Variants in ZCCHC14 observed in about 807,000 individuals in gnomAD.
ZCCHC14 encodes the protein zinc finger CCHC-type containing 14, also known as zinc finger CCHC domain-containing protein 14.
ZCCHC14 carries 16 observed loss-of-function variants against 85.0 expected under a neutral mutation model. That is an observed-to-expected ratio of 0.19 (90% CI 0.13 to 0.29). ZCCHC14 has a LOEUF of 0.29. Ranked by LOEUF, ZCCHC14 falls within the 10% of genes least tolerant of loss-of-function variation. The pLI is 1.00. For synonymous variants in ZCCHC14, 775 were observed against 630.7 expected (o/e 1.23, Z -3.43); for missense variants, 1,303 against 1,443.5 (o/e 0.90, Z 1.58).
rs1264941261 is a variant in ZCCHC14 at position 87,407,273 on chromosome 16, TAAC to T, written c.*3004_*3006del. 6 of 152,244 alleles carry T rather than the reference TAAC, an allele frequency of 3.9e-5. No individual in the cohort carries two copies. Among genetic ancestry groups the T allele is most frequent in the Non-Finnish European group, 8.8e-5 (6 of 68,036 alleles). The allele number at this position is 152,244 out of a possible 1,614,324, so 9.4% of individuals were successfully genotyped here. ...ACAGAACCTACTAACACTACTGTAT[TAAC>T]AAGCTGACTCCTGTAATCTTTTGGA... On this transcript the variant is annotated 3_prime_UTR_variant, in exon 13 of 13. Transcript: ENST00000671377.
chr16:87,455,286 C>T (rs1034214269), intron 2 of ZCCHC14, among the ~76,000 whole-genome samples: 8 of 149,496 alleles, frequency 5.4e-5, no homozygotes, highest in Non-Finnish European at 1.2e-4. Flanking sequence ...GAAACTCCGT[C>T]CCCCCCCGCC....
intron 2 of ZCCHC14, among the ~76,000 whole-genome samples, chr16:87,459,764 C>T (rs1173485679): frequency 6.6e-6 from 1 of 152,178 alleles, no homozygotes; most frequent in East Asian, 1.9e-4. Context: ...CCACCTCAGT[C>T]TCCCAAAGTG....
At position 87,461,482 on chromosome 16, in the gene ZCCHC14, C is replaced by T. The variant is rs538666200; in HGVS notation, c.571-1351G>A. ...TCAAAAGAGCTGATAAGCAATGCTG[C>T]ATTCACAGTATGGGAAAGTACATGG... is the stretch of plus-strand genomic sequence containing the variant. On this transcript the variant is annotated intron_variant, in intron 1 of 12. Transcript: ENST00000671377. 1.6e-4 allele frequency among the ~76,000 whole-genome samples: 24 copies of T among 152,346 alleles called. 1 individual carries two copies. In the South Asian group the frequency reaches 4.8e-3, roughly 30 times the overall value.
chr16:87,489,275 C>T (rs1328300493), intron 1 of ZCCHC14, among the ~76,000 whole-genome samples: 2 of 152,172 alleles, frequency 1.3e-5, no homozygotes, highest in African/African-American at 4.8e-5. Flanking sequence ...CCCAAGGTTA[C>T]TCCTTATAAT....
intron 3 of ZCCHC14, among the ~76,000 whole-genome samples, chr16:87,426,229 G>A (rs1909362802): frequency 6.6e-6 from 1 of 152,194 alleles, no homozygotes; most frequent in South Asian, 2.1e-4. Context: ...GCCAGAAGGG[G>A]AACCGGCCGT....
In ZCCHC14 at chr16:87,428,665, G is replaced by A. The variant is rs111565969; in HGVS notation, c.768+4463C>T. Among the ~76,000 whole-genome samples, 8 of 152,314 alleles carry A rather than the reference G, an allele frequency of 5.3e-5. 1 individual carries two copies. Among genetic ancestry groups the A allele is most frequent in the African/African-American group, 1.9e-4 (8 of 41,574 alleles). On this transcript the variant is annotated intron_variant, in intron 3 of 12. Coordinates refer to ENST00000671377, the MANE Select transcript of ZCCHC14 (RefSeq NM_015144.3). ...TGTGAGCCATGCCCCACCATGGCAG[G>A]GAGCATCACCCCTGAGGTGTCCTCC...
Position 87,410,057 on chromosome 16 carries a change from A to AGAT in ZCCHC14, c.*220_*222dup. 1 of 423,732 alleles carries AGAT rather than the reference A, an allele frequency of 2.4e-6. No homozygotes were observed. Among genetic ancestry groups the AGAT allele is most frequent in the Non-Finnish European group, 4.2e-6 (1 of 239,532 alleles). The allele number at this position is 423,732 out of a possible 1,614,324, so 26.2% of individuals were successfully genotyped here. On this transcript the variant is annotated 3_prime_UTR_variant, in exon 13 of 13. Transcript: ENST00000671377. ...AGGTGGCCGATCTCACCAGCCACAGAGATGCCCACTAGGCGAGTTCTGACA... is the reference window on the plus strand; with the variant it reads ...AGGTGGCCGATCTCACCAGCCACAGAGATGATGCCCACTAGGCGAGTTCTGACA...
At position 87,419,831 on chromosome 16, in the gene ZCCHC14, T is replaced by C. The variant is rs974493960; in HGVS notation, c.997A>G (p.Arg333Gly). The stretch of plus-strand genomic sequence containing the variant: ...GGAGAGGAAGTGCTGAGAAACCTCC[T>C]GACATGGTCATTTTTCAACACGTGA... ...PSHVLKNDHVRRFLSTSSPPQ... is the reference protein window; with the variant it reads ...PSHVLKNDHVGRFLSTSSPPQ... Residue 333 changes from arginine to glycine, a missense_variant, in exon 6 of 13, where the codon AGG becomes GGG. Arg to Gly is a moderately radical substitution (Grantham distance 125). Transcript: ENST00000671377. 2 of 1,613,192 alleles carry C rather than the reference T, an allele frequency of 1.2e-6. No homozygotes were observed. The highest frequency in any genetic ancestry group is 3.3e-5 in the Admixed American group (2 of 59,920).
intron 3 of ZCCHC14, among the ~76,000 whole-genome samples, chr16:87,424,482 G>A (rs1343490523): frequency 6.6e-6 from 1 of 152,198 alleles, no homozygotes; most frequent in East Asian, 1.9e-4. Context: ...ATTCTGCAAC[G>A]TCTGGTGTGC....
At position 87,406,249 on chromosome 16, in the gene ZCCHC14, C is replaced by A. The variant is rs921799606; in HGVS notation, c.*4031G>T. The A allele has an allele frequency of 3.3e-5, 5 of 152,354 alleles. No individual in the cohort carries two copies. The highest frequency in any genetic ancestry group is 1.2e-4 in the African/African-American group (5 of 41,400). The allele number at this position is 152,354 out of a possible 1,614,324, so 9.4% of individuals were successfully genotyped here. ...ACAAAGACCTAGTGAAATAAAACAG[C>A]CTTTTTTAAAATTTTTATTTTCAGT... On this transcript the variant is annotated 3_prime_UTR_variant, in exon 13 of 13. Coordinates refer to ENST00000671377, the MANE Select transcript of ZCCHC14 (RefSeq NM_015144.3).
intron 2 of ZCCHC14, among the ~76,000 whole-genome samples, chr16:87,448,855 T>G (rs1910559781): frequency 6.6e-6 from 1 of 152,210 alleles, no homozygotes; most frequent in African/African-American, 2.4e-5. Flanking sequence ...TCTTTACCCC[T>G]CGTCACACTG....
Position 87,491,767 on chromosome 16 carries a change from T to C in ZCCHC14, c.472A>G (p.Thr158Ala). 3 of 1,587,734 alleles carry C rather than the reference T, an allele frequency of 1.9e-6. No individual in the cohort carries two copies. The highest frequency in any genetic ancestry group is 2.6e-6 in the Non-Finnish European group (3 of 1,170,558). Residue 158 changes from threonine to alanine, a missense_variant, in exon 1 of 13, where the codon ACG (threonine) becomes GCG (alanine). This residue lies in a region of ZCCHC14 where 389 missense variants were observed against 397.8 expected (regional missense o/e 0.98). Coordinates refer to ENST00000671377, the MANE Select transcript of ZCCHC14 (RefSeq NM_015144.3). This position sits in a 1 kb window ranked among gnomAD's most constrained non-coding sequence, Gnocchi z 5.9. ...HQKQVLRQEL[T>A]QIQSSLNGGG... ...CCGTTCAGGCTGCTCTGGATCTGCGTGAGCTCCTGGCGCAGCACCTGCTTC... is the reference window on the plus strand; with the variant it reads ...CCGTTCAGGCTGCTCTGGATCTGCGCGAGCTCCTGGCGCAGCACCTGCTTC...
rs534500650 is a variant in ZCCHC14 at position 87,438,526 on chromosome 16, C to T, written c.695-5325G>A. 2.1e-4 allele frequency among the ~76,000 whole-genome samples: 32 copies of T among 152,262 alleles called. 1 individual carries two copies. The South Asian group carries it at 5.8e-3, about 28-fold the overall frequency. ...AATGATGCCTCCCAAGACCTGAGTT[C>T]GAATATTCATTGAGTAACTAAGGTC... On this transcript the variant is annotated intron_variant, in intron 2 of 12. Coordinates refer to ENST00000671377, the MANE Select transcript of ZCCHC14 (RefSeq NM_015144.3).
At chr16:87,422,584 G>A (rs1194967910) in intron 4 of ZCCHC14, among the ~76,000 whole-genome samples, 2 of 151,030 alleles carry the variant, frequency 1.3e-5, no homozygotes, top group Non-Finnish European at 2.9e-5. Context: ...AAAAAAAAGA[G>A]AGAGAGCTGG....
chr16:87,447,894 A>G (rs1910518078), intron 2 of ZCCHC14, among the ~76,000 whole-genome samples: 1 of 152,216 alleles, frequency 6.6e-6, no homozygotes, highest in Admixed American at 6.5e-5. Context: ...TACCTCGGTG[A>G]ATAGAAATGA....
At chr16:87,454,672 G>A (rs936839093) in intron 2 of ZCCHC14, among the ~76,000 whole-genome samples, 8 of 152,216 alleles carry the variant, frequency 5.3e-5, no homozygotes, top group Non-Finnish European at 1.0e-4. Context: ...CAATTTTCAG[G>A]ATAAAATGAA....
intron 6 of ZCCHC14, 107 bp from the exon 7 acceptor site, chr16:87,419,008 G>A (rs184348796): frequency 1.3e-5 from 14 of 1,058,516 alleles, no homozygotes; most frequent in South Asian, 2.9e-5. Flanking sequence ...CCAGGCTGGA[G>A]AGCAATGGTG....
In ZCCHC14 at chr16:87,413,719, G is replaced by C. The variant is rs967793512; in HGVS notation, c.1604-524C>G. On this transcript the variant is annotated intron_variant, in intron 10 of 12. Coordinates refer to ENST00000671377, the MANE Select transcript of ZCCHC14 (RefSeq NM_015144.3). Reference sequence around the variant, plus strand: ...TGAAAACCAAATCGCTGAGACTGAGGGTCCCCCAAAGCAGGAAGGTCCATG... The same window carrying C: ...TGAAAACCAAATCGCTGAGACTGAGCGTCCCCCAAAGCAGGAAGGTCCATG... Among the ~76,000 whole-genome samples, 7 of 151,778 alleles carry C rather than the reference G, an allele frequency of 4.6e-5. No homozygotes were observed. In the South Asian group the frequency reaches 1.5e-3, roughly 32 times the overall value.
chr16:87,433,010 G>A, intron 3 of ZCCHC14, 118 bp downstream of exon 3: 1 of 908,874 alleles, frequency 1.1e-6, no homozygotes, highest in Non-Finnish European at 1.6e-6. Flanking sequence ...TTCCTATACA[G>A]CACTGGCACG....
Sources: gnomAD v4.1 joint callset for allele counts (sites outside exome capture counted in the v4.1 genomes callset) on GRCh38, gnomAD v4.1.1 for gene constraint, gnomAD v4.1.1 regional missense constraint, Gnocchi (gnomAD v3.1) non-coding constraint, MANE v1.5 for transcripts, NCBI Gene and HGNC (gene_info 2026-07-23, HGNC 2026-07-21) for gene names.